Variants in MYO3B observed in about 807,000 individuals in gnomAD.
MYO3B encodes the protein myosin IIIB.
Under a neutral mutation model 174.6 loss-of-function variants are expected in MYO3B, and 156 were observed. The ratio of observed to expected loss-of-function variants is 0.89; its 90% CI spans 0.78 to 1.02. MYO3B has a LOEUF of 1.02. Among genes scored for constraint, MYO3B ranks in the 50% least tolerant of loss-of-function variants. MYO3B has a pLI of 0.00. For synonymous variants in MYO3B, 563 were observed against 569.1 expected (o/e 0.99, Z 0.15); for missense variants, 1,632 against 1,639.4 (o/e 1.00, Z 0.08).
At chr2:170,404,062 G>C (rs1185444912) in intron 19 of MYO3B, among the ~76,000 whole-genome samples, 185 bp from the exon 20 acceptor site, 1 of 152,196 alleles carries the variant, frequency 6.6e-6, no homozygotes, top group Non-Finnish European at 1.5e-5. Flanking sequence ...CCACTTGTAA[G>C]TCAGATTTAA....
chr2:170,478,522 T>TACACACACACACACACACAC (rs60349340), intron 25 of MYO3B, among the ~76,000 whole-genome samples: 1 of 126,100 alleles, frequency 7.9e-6, no homozygotes, highest in Non-Finnish European at 1.6e-5. Flanking sequence ...GGTGTTATTG[T>TACACACACACACACACACAC]ACACACACAC....
intron 7 of MYO3B, among the ~76,000 whole-genome samples, chr2:170,272,575 C>T (rs762131729): frequency 1.3e-5 from 2 of 152,144 alleles, no homozygotes; most frequent in Non-Finnish European, 2.9e-5. Flanking sequence ...AGTGACAGGG[C>T]AGGTAGAGGT....
intron 17 of MYO3B, among the ~76,000 whole-genome samples, chr2:170,400,752 G>A (rs953639128): frequency 6.6e-6 from 1 of 151,348 alleles, no homozygotes; most frequent in Non-Finnish European, 1.5e-5. Context: ...AGGATGTCCT[G>A]TGGAACACCA....
intron 32 of MYO3B, among the ~76,000 whole-genome samples, chr2:170,546,916 T>G (rs897443947): frequency 4.0e-5 from 6 of 151,762 alleles, no homozygotes; most frequent in Admixed American, 3.9e-4. Context: ...GAGGTGAGAG[T>G]GAGAGGCAGG....
intron 25 of MYO3B, among the ~76,000 whole-genome samples, chr2:170,477,836 C>CTTCTCACATATT: frequency 6.6e-6 from 1 of 151,872 alleles, no homozygotes. Context: ...TTGTTTATTT[C>CTTCTCACATATT]TTCTCACATA....
rs111339230 is a variant in MYO3B at position 170,442,863 on chromosome 2, C to A, written c.2651-1104C>A. On this transcript the variant is annotated intron_variant, in intron 22 of 34. Coordinates refer to ENST00000408978, the MANE Select transcript of MYO3B (RefSeq NM_138995.5). ...TTTTTTATGGCTGCATAGTATTCCA[C>A]GGTGTATATGTGCCACATTTTCTTA... Among the ~76,000 whole-genome samples, 42 of 152,156 alleles carry A rather than the reference C, an allele frequency of 2.8e-4. No homozygotes were observed. The East Asian group carries it at 7.4e-3, about 27-fold the overall frequency.
chr2:170,543,101 C>G, intron 31 of MYO3B, 135 bp downstream of exon 31: 2 of 690,438 alleles, frequency 2.9e-6, no homozygotes, highest in Non-Finnish European at 4.9e-6. Flanking sequence ...ATTTTGAAGT[C>G]TTTGAGACAA....
In MYO3B at chr2:170,635,281, C is replaced by CA. The variant is rs1275052525; in HGVS notation, c.3734-16346dup. ...TATACACCATGGAATACTATGCAGC[C>CA]ATAAAAAATGATGGGTTCATGTCCT... On this transcript the variant is annotated intron_variant, in intron 32 of 34. Transcript: ENST00000408978. 4.4e-4 allele frequency among the ~76,000 whole-genome samples: 67 copies of CA among 152,240 alleles called. 1 individual carries two copies. The South Asian group carries it at 0.013, about 30-fold the overall frequency.
intron 25 of MYO3B, among the ~76,000 whole-genome samples, chr2:170,467,246 G>A (rs1471277362): frequency 2.0e-5 from 3 of 152,156 alleles, no homozygotes; most frequent in Non-Finnish European, 4.4e-5. Context: ...GAAAACTTGG[G>A]TATGAAAAGA....
At chr2:170,502,742 T>G (rs946363713) in intron 28 of MYO3B, among the ~76,000 whole-genome samples, 2 of 152,172 alleles carry the variant, frequency 1.3e-5, no homozygotes, top group African/African-American at 4.8e-5. Context: ...GCTGGTAGAC[T>G]CAGCAGCAGA....
chr2:170,493,766 G>A (rs1442781947), intron 25 of MYO3B, among the ~76,000 whole-genome samples: 3 of 148,194 alleles, frequency 2.0e-5, no homozygotes, highest in South Asian at 2.2e-4. Context: ...ACCCCAAGAC[G>A]CTTTGTTCTG....
intron 23 of MYO3B, among the ~76,000 whole-genome samples, chr2:170,456,159 T>A (rs954744843): frequency 2.6e-5 from 4 of 151,906 alleles, no homozygotes; most frequent in African/African-American, 7.3e-5. Context: ...TGTGGATATT[T>A]TGGTGGGGGG....
chr2:170,350,903 T>C (rs1291307604), intron 8 of MYO3B: 1 of 152,132 alleles, frequency 6.6e-6, no homozygotes, highest in East Asian at 1.9e-4. Context: ...GTGGAAGATA[T>C]TTTCTGTAAA....
intron 32 of MYO3B, among the ~76,000 whole-genome samples, chr2:170,633,672 A>G (rs371470609): frequency 8.5e-5 from 13 of 152,326 alleles, no homozygotes; most frequent in Middle Eastern, 3.4e-3. Context: ...GAAAAAAGGA[A>G]GTCAAATTGT....
intron 32 of MYO3B, among the ~76,000 whole-genome samples, chr2:170,612,960 A>G (rs1695213277): frequency 6.6e-6 from 1 of 152,106 alleles, no homozygotes; most frequent in Non-Finnish European, 1.5e-5. Flanking sequence ...GTCCCTGGTA[A>G]GTGGGGAGGC....
chr2:170,503,910 T>C (rs1687449933), intron 28 of MYO3B, among the ~76,000 whole-genome samples: 1 of 152,164 alleles, frequency 6.6e-6, no homozygotes, highest in African/African-American at 2.4e-5. Context: ...TAAAGATGCA[T>C]GAATAGGGTA....
chr2:170,632,052 C>T (rs1433585885), intron 32 of MYO3B, among the ~76,000 whole-genome samples: 1 of 143,140 alleles, frequency 7.0e-6, no homozygotes, highest in Non-Finnish European at 1.5e-5. Flanking sequence ...ACTTTAACAC[C>T]CCACTGTCAA....
In MYO3B at chr2:170,278,778, T is replaced by A. The variant is rs145017838; in HGVS notation, c.749+42642T>A. ...TTATCCCCCTAACCCCCGCCACATA[T>A]ACCCACATTCTTCCCAGCCTCTGAT... On this transcript the variant is annotated intron_variant, in intron 7 of 34. Coordinates refer to ENST00000408978, the MANE Select transcript of MYO3B (RefSeq NM_138995.5). 2.8e-4 allele frequency among the ~76,000 whole-genome samples: 42 copies of A among 152,180 alleles called. No homozygotes were observed. In the East Asian group the frequency reaches 6.0e-3, roughly 22 times the overall value.
At chr2:170,178,373 G>T in intron 1 of MYO3B, 84 bp downstream of exon 1, 2 of 1,541,512 alleles carry the variant, frequency 1.3e-6, no homozygotes, top group Non-Finnish European at 1.8e-6. Context: ...CAGCTGCCCT[G>T]GCTGGTGGGC....
Sources: allele counts gnomAD v4.1 joint callset (sites outside exome capture counted in the v4.1 genomes callset), GRCh38; gene constraint gnomAD v4.1.1; transcripts MANE v1.5; gene names NCBI Gene and HGNC (gene_info 2026-07-23, HGNC 2026-07-21).